Variants in MPDZ observed in about 807,000 individuals in gnomAD.
MPDZ encodes the protein multiple PDZ domain crumbs cell polarity complex component, also known as multiple PDZ domain protein.
MPDZ carries 234 observed loss-of-function variants against 239.1 expected under a neutral mutation model. The observed-to-expected ratio is 0.98, with a 90% CI of 0.88 to 1.09. The LOEUF is 1.09. Among genes scored for constraint, MPDZ ranks in the 50% least tolerant of loss-of-function variants. The pLI, the probability that MPDZ is intolerant of heterozygous loss-of-function variation, is 0.00. For missense variants in MPDZ, 3,175 were observed against 2,510.0 expected (o/e 1.26, Z -5.66); for synonymous variants, 1,048 against 881.3 (o/e 1.19, Z -3.35).
chr9:13,273,313 G>C (rs1973443047), intron 1 of MPDZ, among the ~76,000 whole-genome samples: 1 of 152,148 alleles, frequency 6.6e-6, no homozygotes. Context: ...TTAAATTGTA[G>C]AATAATCTTT....
At chr9:13,229,750 G>T (rs1426854698) in intron 3 of MPDZ, among the ~76,000 whole-genome samples, 1 of 151,992 alleles carries the variant, frequency 6.6e-6, no homozygotes, top group Non-Finnish European at 1.5e-5. Flanking sequence ...ATGTAAATCA[G>T]TAGGAATTCC....
At chr9:13,126,319 G>A (rs531848105) in intron 34 of MPDZ, among the ~76,000 whole-genome samples, 197 bp downstream of exon 34, 1 of 152,088 alleles carries the variant, frequency 6.6e-6, no homozygotes, top group Non-Finnish European at 1.5e-5. Flanking sequence ...TAATTTGTGT[G>A]GCAACGAAAA....
intron 40 of MPDZ, among the ~76,000 whole-genome samples, chr9:13,114,745 C>T (rs916912231): frequency 6.6e-6 from 1 of 151,764 alleles, no homozygotes; most frequent in African/African-American, 2.4e-5. Context: ...AATAAAAATA[C>T]AAAAATTAGC....
At chr9:13,199,147 G>C (rs1464573370) in intron 12 of MPDZ, among the ~76,000 whole-genome samples, 1 of 151,884 alleles carries the variant, frequency 6.6e-6, no homozygotes, top group Non-Finnish European at 1.5e-5. Context: ...CATGATCATA[G>C]AATATCTCTC....
At chr9:13,140,682 C>T (rs1056548668) in intron 27 of MPDZ, among the ~76,000 whole-genome samples, 1 of 151,396 alleles carries the variant, frequency 6.6e-6, no homozygotes. Context: ...ACTTTCCCTT[C>T]TAGAAAAAAA....
rs530229958 is a variant in MPDZ at position 13,274,595 on chromosome 9, A to G, written c.-58+4805T>C. ...CTCTAATGGTTTCATTAACTCAACA[A>G]ATAAAATTGCAACACCTAAAAAACA... On this transcript the variant is annotated intron_variant, in intron 1 of 46. Coordinates refer to ENST00000319217, the MANE Select transcript of MPDZ (RefSeq NM_001378778.1). 8 of 151,950 alleles carry G rather than the reference A, an allele frequency of 5.3e-5. No homozygotes were observed. The East Asian group carries it at 1.6e-3, about 29-fold the overall frequency. 9.4% of individuals were successfully genotyped at this position (151,950 alleles called of 1,614,324 possible). A position where few individuals can be genotyped will look rare whatever the true frequency, so the allele number is the denominator to read the frequency against.
intron 4 of MPDZ, 64 bp downstream of exon 4, chr9:13,224,310 A>T (rs1208254637): frequency 1.2e-5 from 16 of 1,377,182 alleles, no homozygotes; most frequent in Non-Finnish European, 1.3e-5. Flanking sequence ...AATTATCCAT[A>T]ACTTGATCAC....
In MPDZ at chr9:13,243,082, G is replaced by A. The variant is rs377136024; in HGVS notation, c.183+4553C>T. Among the ~76,000 whole-genome samples the A allele has an allele frequency of 3.3e-5, 5 of 152,070 alleles. No individual in the cohort carries two copies. The East Asian group carries it at 5.8e-4, about 18-fold the overall frequency. ...TCATTTTTCAAGACCCATTTTCCAT[G>A]CTGTTGCCTCCACTGTGAGGTTTTC... On this transcript the variant is annotated intron_variant, in intron 3 of 46. Coordinates refer to ENST00000319217, the MANE Select transcript of MPDZ (RefSeq NM_001378778.1).
Position 13,196,225 on chromosome 9 carries a change from G to C in MPDZ, c.1552C>G (p.Pro518Ala). ...NILPTEEEGY[P>A]LLSAEIEEIE... ...TCTTCTATCTCAGCTGACAGTAATGGATACCCTGAAACAGTCAAGGCAATT... is the reference window on the plus strand; with the variant it reads ...TCTTCTATCTCAGCTGACAGTAATGCATACCCTGAAACAGTCAAGGCAATT... The change falls in exon 13 of 47, where the codon CCA (proline) becomes GCA (alanine). Residue 518 changes from proline (P) to alanine (A), a missense_variant. Coordinates refer to ENST00000319217, the MANE Select transcript of MPDZ (RefSeq NM_001378778.1). 1 of 1,583,896 alleles carries C rather than the reference G, an allele frequency of 6.3e-7. No homozygotes were observed. Among genetic ancestry groups the C allele is most frequent in the Non-Finnish European group, 8.6e-7 (1 of 1,162,318 alleles).
rs149965646 is a variant in MPDZ at position 13,205,528 on chromosome 9, T to C, written c.1474+388A>G. Among the ~76,000 whole-genome samples the C allele has an allele frequency of 6.0e-3, 917 of 152,298 alleles. 13 individuals carry two copies. The highest frequency in any genetic ancestry group is 0.021 in the African/African-American group (880 of 41,572). ...TTCCTTCAAGGAAAGGCTGGGCATT[T>C]AGAATTTTTATGAAGGTCACATAAA... On this transcript the variant is annotated intron_variant, in intron 11 of 46. Coordinates refer to ENST00000319217, the MANE Select transcript of MPDZ (RefSeq NM_001378778.1).
chr9:13,262,020 G>A (rs545767293), intron 1 of MPDZ, among the ~76,000 whole-genome samples: 131 of 151,522 alleles, frequency 8.6e-4, no homozygotes, highest in South Asian at 8.2e-3. Context: ...ACTCCAGCCT[G>A]GGCAACAGAA....
chr9:13,167,690 T>A (rs1338487625), intron 22 of MPDZ, among the ~76,000 whole-genome samples: 2 of 152,168 alleles, frequency 1.3e-5, no homozygotes, highest in Non-Finnish European at 2.9e-5. Context: ...GCCACATTGA[T>A]GAAGTGTCAC....
chr9:13,206,232 T>C (rs144299279), intron 10 of MPDZ, 133 bp from the exon 11 acceptor site: 2 of 825,960 alleles, frequency 2.4e-6, no homozygotes, highest in African/African-American at 1.7e-5. Context: ...TATCAGGGAA[T>C]TGACAGTAAG....
intron 39 of MPDZ, 105 bp from the exon 40 acceptor site, chr9:13,115,439 T>C: frequency 1.1e-6 from 1 of 910,644 alleles, no homozygotes; most frequent in Non-Finnish European, 1.7e-6. Context: ...AAAGGCATCT[T>C]CCTTTTGGAA....
At chr9:13,160,501 A>G (rs1950329593) in intron 23 of MPDZ, among the ~76,000 whole-genome samples, 2 of 152,032 alleles carry the variant, frequency 1.3e-5, no homozygotes, top group African/African-American at 4.8e-5. Flanking sequence ...AGAACTTAAC[A>G]GGACTCAGAT....
At chr9:13,188,658 G>T in intron 17 of MPDZ, 126 bp downstream of exon 17, 1 of 673,316 alleles carries the variant, frequency 1.5e-6, no homozygotes, top group Non-Finnish European at 2.5e-6. Flanking sequence ...AATGGAGCTA[G>T]TAATCACGTT....
In MPDZ at chr9:13,126,572, C is replaced by T. The variant is rs758008321; in HGVS notation, c.4576G>A (p.Gly1526Arg). The T allele has an allele frequency of 5.5e-5, 87 of 1,594,782 alleles. No homozygotes were observed. Among genetic ancestry groups the T allele is most frequent in the South Asian group, 1.0e-4 (9 of 88,428 alleles). Residue 1526 changes from glycine to arginine, a missense_variant, in exon 34 of 47, where the codon GGA (glycine) becomes AGA (arginine). Gly to Arg is a moderately radical substitution (Grantham distance 125). Transcript: ENST00000319217. The stretch of plus-strand genomic sequence containing the variant: ...TCATCTACAGCCAGTATCTGATCTC[C>T]GACTTTGAGTCGTCCATCCTAAATG... Reference protein sequence around the residue: ...VAATDGRLKVGDQILAVDDEI... With the variant: ...VAATDGRLKVRDQILAVDDEI...
intron 29 of MPDZ, among the ~76,000 whole-genome samples, chr9:13,137,370 G>A (rs1018562217): frequency 2.0e-5 from 3 of 152,214 alleles, no homozygotes; most frequent in East Asian, 1.9e-4. Context: ...GTGTCTATAG[G>A]GAAACATACT....
At chr9:13,151,596 A>AT (rs1209847925) in intron 24 of MPDZ, among the ~76,000 whole-genome samples, 1 of 152,116 alleles carries the variant, frequency 6.6e-6, no homozygotes. Flanking sequence ...TACCAAATTC[A>AT]TAGAGACAGA....
Sources: allele counts gnomAD v4.1 joint callset (sites outside exome capture counted in the v4.1 genomes callset), GRCh38; gene constraint gnomAD v4.1.1; transcripts MANE v1.5; gene names NCBI Gene and HGNC (gene_info 2026-07-23, HGNC 2026-07-21).